Variants in RORA observed in about 807,000 individuals in gnomAD.
RORA encodes nuclear receptor ROR-alpha.
Under a neutral mutation model 69.5 loss-of-function variants are expected in RORA, and 7 were observed. That is an observed-to-expected ratio of 0.10 (90% confidence interval 0.06 to 0.19). The LOEUF (loss-of-function observed/expected upper bound fraction) is 0.19. RORA is among the 10% of genes least tolerant of loss of function. The pLI is 1.00. For synonymous variants in RORA, 261 were observed against 240.8 expected (o/e 1.08, Z -0.78); for missense variants, 457 against 663.0 (o/e 0.69, Z 3.41).
At chr15:61,200,846 A>C (rs1012083658) in intron 1 of RORA, among the ~76,000 whole-genome samples, 7 of 152,210 alleles carry the variant, frequency 4.6e-5, no homozygotes, top group African/African-American at 1.4e-4. Context: ...AGGGTAGTCA[A>C]CACTTATCAT....
chr15:60,827,228 C>T (rs2072976655), intron 1 of RORA, among the ~76,000 whole-genome samples: 1 of 152,156 alleles, frequency 6.6e-6, no homozygotes. Flanking sequence ...AGGCACTGTT[C>T]TGTCAGAAGG....
chr15:60,526,989 C>G (rs1279667669), intron 3 of RORA, among the ~76,000 whole-genome samples: 1 of 152,158 alleles, frequency 6.6e-6, no homozygotes, highest in Admixed American at 6.5e-5. Flanking sequence ...TTTGTTAACG[C>G]AGAGACATTG....
rs1158845845 is a variant in RORA, at chr15:60,633,310, A to G, written c.196+45347T>C. On this transcript the variant is annotated intron_variant, in intron 2 of 10. Coordinates refer to ENST00000335670, the MANE Select transcript of RORA (RefSeq NM_134261.3). ...TTCGAATTCTGATGATCTTAAATTA[A>G]TATTTAATTTAAGCATTTTATTTCT... 2.6e-5 allele frequency among the ~76,000 whole-genome samples: 4 copies of G among 152,372 alleles called. No individual in the cohort carries two copies. The East Asian group carries it at 7.7e-4, about 29-fold the overall frequency.
intron 1 of RORA, among the ~76,000 whole-genome samples, chr15:60,917,859 A>G (rs2140486270): frequency 6.6e-6 from 1 of 152,306 alleles, no homozygotes; most frequent in Non-Finnish European, 1.5e-5. Context: ...GCTGGGTTCA[A>G]TCTGCCACCC....
chr15:61,159,689 C>A (rs752021971), intron 1 of RORA, among the ~76,000 whole-genome samples: 1 of 152,122 alleles, frequency 6.6e-6, no homozygotes, highest in African/African-American at 2.4e-5. Flanking sequence ...TAATAATGTA[C>A]CTTTGCGGCA....
intron 1 of RORA, among the ~76,000 whole-genome samples, chr15:61,198,827 G>A (rs1005888087): frequency 6.6e-6 from 1 of 152,062 alleles, no homozygotes; most frequent in African/African-American, 2.4e-5. Flanking sequence ...CAGTAATCAA[G>A]AGGCTTACTC....
intron 1 of RORA, among the ~76,000 whole-genome samples, chr15:60,788,673 A>G (rs563970763): frequency 6.6e-6 from 1 of 152,256 alleles, no homozygotes; most frequent in Admixed American, 6.5e-5. Flanking sequence ...AGTCATCAGC[A>G]CCACGGGGCT....
At chr15:60,957,643 A>T (rs143472409) in intron 1 of RORA, among the ~76,000 whole-genome samples, 148 of 152,318 alleles carry the variant, frequency 9.7e-4, no homozygotes, top group African/African-American at 3.3e-3. Flanking sequence ...TATACTAATT[A>T]TTTTGAAATA....
At chr15:60,830,822 T>C (rs957609667) in intron 1 of RORA, among the ~76,000 whole-genome samples, 2 of 152,206 alleles carry the variant, frequency 1.3e-5, no homozygotes, top group South Asian at 2.1e-4. Flanking sequence ...AAGTGTCTAG[T>C]TGATTCACAA....
chr15:60,670,506 G>A (rs2070449917), intron 2 of RORA, among the ~76,000 whole-genome samples: 2 of 151,956 alleles, frequency 1.3e-5, no homozygotes, highest in South Asian at 2.1e-4. Flanking sequence ...CACCATGCCC[G>A]GCCACTCCTC....
At chr15:60,501,138 G>A in intron 8 of RORA, 69 bp from the exon 9 acceptor site, 4 of 805,460 alleles carry the variant, frequency 5.0e-6, no homozygotes, top group Non-Finnish European at 8.2e-6. Context: ...CTAGGTCTTA[G>A]GTTTTCCTAA....
chr15:60,883,209 A>C (rs1435507179), intron 1 of RORA, among the ~76,000 whole-genome samples: 1 of 151,214 alleles, frequency 6.6e-6, no homozygotes, highest in Non-Finnish European at 1.5e-5. Context: ...TATAAAATGC[A>C]GTTGAATTTA....
chr15:61,075,955 G>T (rs952611449), intron 1 of RORA, among the ~76,000 whole-genome samples: 11 of 152,300 alleles, frequency 7.2e-5, no homozygotes, highest in African/African-American at 2.6e-4. Flanking sequence ...AAGGAGAGAA[G>T]CTGCCACATT....
At chr15:61,063,899 G>T (rs1444507036) in intron 1 of RORA, among the ~76,000 whole-genome samples, 3 of 152,182 alleles carry the variant, frequency 2.0e-5, no homozygotes, top group African/African-American at 7.2e-5. Flanking sequence ...CTGGGAAAAT[G>T]CTAGGAAAGC....
chr15:61,033,591 T>C (rs1490099807), intron 1 of RORA, among the ~76,000 whole-genome samples: 1 of 152,166 alleles, frequency 6.6e-6, no homozygotes, highest in Non-Finnish European at 1.5e-5. Flanking sequence ...GCCTACAGAT[T>C]TTATTAACTT....
intron 1 of RORA, among the ~76,000 whole-genome samples, chr15:61,069,980 A>G (rs1441974817): frequency 6.6e-6 from 1 of 152,154 alleles, no homozygotes; most frequent in African/African-American, 2.4e-5. Flanking sequence ...CTTTCTGGAG[A>G]AAACACCATC....
chr15:60,636,014 C>T (rs188535414), intron 2 of RORA, among the ~76,000 whole-genome samples: 1 of 152,230 alleles, frequency 6.6e-6, no homozygotes, highest in Admixed American at 6.5e-5. Flanking sequence ...GTCTGTAAGA[C>T]TTGCCATTTT....
At chr15:61,018,859 C>T (rs1319201362) in intron 1 of RORA, among the ~76,000 whole-genome samples, 2 of 152,158 alleles carry the variant, frequency 1.3e-5, no homozygotes, top group Admixed American at 6.5e-5. Flanking sequence ...CCAAGGCACA[C>T]ATTAAATGTG....
At chr15:60,601,269 T>C (rs1341278758) in intron 2 of RORA, among the ~76,000 whole-genome samples, 1 of 152,230 alleles carries the variant, frequency 6.6e-6, no homozygotes, top group Non-Finnish European at 1.5e-5. Context: ...GGTTAGCATG[T>C]GTCATTATGA....
Sources: gnomAD v4.1 joint callset for allele counts (sites outside exome capture counted in the v4.1 genomes callset) on GRCh38, gnomAD v4.1.1 for gene constraint, MANE v1.5 for transcripts, NCBI Gene and HGNC (gene_info 2026-07-23, HGNC 2026-07-21) for gene names.